Variants in BST1 observed in about 807,000 individuals in gnomAD.
BST1 encodes the protein bone marrow stromal cell antigen 1.
In BST1, 49 loss-of-function variants were observed where a neutral mutation model predicts 40.6. The observed-to-expected ratio is 1.21, with a 90% confidence interval of 0.96 to 1.53. The LOEUF (loss-of-function observed/expected upper bound fraction) is 1.53. Among genes scored for constraint, BST1 ranks in the 40% most tolerant of loss-of-function variants. The pLI is 0.00. For missense variants in BST1, 423 were observed against 395.9 expected, an observed-to-expected ratio of 1.07 and a Z score of -0.58; for synonymous variants, 157 against 159.3, an observed-to-expected ratio of 0.99 and a Z score of 0.11.
At chr4:15,711,552 G>C (rs1720205579) in intron 3 of BST1, among the ~76,000 whole-genome samples, 2 of 152,186 alleles carry the variant, frequency 1.3e-5, no homozygotes, top group Admixed American at 6.5e-5. Flanking sequence ...TCACTCACTA[G>C]CCAGCTATTT....
chr4:15,764,076 G>A, the BST1 span, among the ~76,000 whole-genome samples: 38 of 152,140 alleles, frequency 2.5e-4, no homozygotes, highest in East Asian at 5.2e-3. Context: ...AGAAGTCAAT[G>A]TTGGCTCATT....
At chr4:15,715,192 T>G in intron 4 of BST1, 93 bp from the exon 5 acceptor site, 1 of 1,133,158 alleles carries the variant, frequency 8.8e-7, no homozygotes, top group Non-Finnish European at 1.3e-6. Context: ...ATCCTTGCCA[T>G]TATTTAGAAC....
the BST1 span, among the ~76,000 whole-genome samples, chr4:15,748,919 C>T: frequency 5.9e-5 from 9 of 152,208 alleles, no homozygotes; most frequent in East Asian, 1.9e-4. Context: ...ATGCAAGAGT[C>T]GCAGTAATTG....
At chr4:15,737,442 C>T (rs1355546722), downstream of BST1, among the ~76,000 whole-genome samples, 5 of 152,184 alleles carry the variant, frequency 3.3e-5, no homozygotes, top group African/African-American at 9.6e-5. Flanking sequence ...CTCTTGGCCT[C>T]GGTTCCTCCA....
downstream of BST1, among the ~76,000 whole-genome samples, chr4:15,735,391 T>A (rs938005609): frequency 1.3e-5 from 2 of 152,172 alleles, no homozygotes; most frequent in Non-Finnish European, 2.9e-5. Flanking sequence ...CACGTGTGAA[T>A]GAACTAAGTT....
Position 15,738,139 on chromosome 4 carries a change from G to A in BST1, c.*365G>A, listed in dbSNP as rs191455289. The A allele has an allele frequency of 2.8e-5, 6 of 215,772 alleles. No individual in the cohort carries two copies. The East Asian group carries it at 5.8e-4, about 21-fold the overall frequency. 13.4% of individuals were successfully genotyped at this position (215,772 alleles called of 1,614,324 possible). A position where few individuals can be genotyped will look rare whatever the true frequency, so the allele number is the denominator to read the frequency against. ...TGGGTGACCATGATGTTTCAATGTC[G>A]GTTCATTAGTTGTGACAAATGCACC... is the stretch of plus-strand genomic sequence containing the variant. On this transcript the variant is annotated 3_prime_UTR_variant, in exon 7 of 7. Coordinates refer to the BST1 transcript ENST00000514445.
At chr4:15,745,650 C>T in the BST1 span, among the ~76,000 whole-genome samples, 1 of 152,290 alleles carries the variant, frequency 6.6e-6, no homozygotes, top group African/African-American at 2.4e-5. Context: ...CTAAATGTGG[C>T]TTGTGCTGCC....
chr4:15,719,645 A>C (rs1459692913), intron 7 of BST1, among the ~76,000 whole-genome samples: 6 of 152,156 alleles, frequency 3.9e-5, no homozygotes, highest in Non-Finnish European at 8.8e-5. Flanking sequence ...GGAATCCAAC[A>C]TTGCAAAAAC....
At chr4:15,734,020 C>T (rs1290801751), downstream of BST1, among the ~76,000 whole-genome samples, 1 of 152,174 alleles carries the variant, frequency 6.6e-6, no homozygotes, top group Non-Finnish European at 1.5e-5. Flanking sequence ...TACTACTCAG[C>T]AATAAAGGTA....
At chr4:15,743,081 CT>C (rs372323525), downstream of BST1, 659 of 155,050 alleles carry the variant, frequency 4.3e-3, 5 homozygotes, top group African/African-American at 0.015. Context: ...ATAAACAGAC[CT>C]TTTTGAAGTA....
chr4:15,714,415 A>G (rs1720395161), intron 4 of BST1, among the ~76,000 whole-genome samples: 1 of 152,216 alleles, frequency 6.6e-6, no homozygotes, highest in Non-Finnish European at 1.5e-5. Flanking sequence ...CCTGGACTTC[A>G]GCCCATGTAT....
intron 6 of BST1, among the ~76,000 whole-genome samples, chr4:15,717,170 G>A (rs1214328408): frequency 6.6e-6 from 1 of 152,308 alleles, no homozygotes; most frequent in Admixed American, 6.5e-5. Context: ...GAAATTCTAA[G>A]TAGTGAGCCT....
chr4:15,768,720 T>A, the BST1 span, among the ~76,000 whole-genome samples: 3 of 151,848 alleles, frequency 2.0e-5, no homozygotes, highest in Non-Finnish European at 4.4e-5. Context: ...ATGGTCTCGA[T>A]CTCCTGACCT....
chr4:15,762,025 C>A, the BST1 span, among the ~76,000 whole-genome samples: 1 of 151,410 alleles, frequency 6.6e-6, no homozygotes, highest in African/African-American at 2.4e-5. Flanking sequence ...CCCGTCTCTA[C>A]TAAAAATACA....
intron 7 of BST1, among the ~76,000 whole-genome samples, chr4:15,720,575 G>C (rs983662633): frequency 6.6e-6 from 1 of 150,862 alleles, no homozygotes; most frequent in African/African-American, 2.4e-5. Context: ...CAAGAGCCTG[G>C]GTGACAAGAG....
downstream of BST1, among the ~76,000 whole-genome samples, chr4:15,734,382 A>G (rs191378140): frequency 1.1e-3 from 164 of 152,348 alleles, no homozygotes; most frequent in African/African-American, 3.8e-3. Flanking sequence ...AGAACATTTA[A>G]TCACATAGGA....
downstream of BST1, chr4:15,736,062 G>T (rs773594896): frequency 1.5e-5 from 19 of 1,287,906 alleles, no homozygotes; most frequent in Non-Finnish European, 1.3e-5. Context: ...GACCCAAGAG[G>T]CTATGTGGGA....
intron 6 of BST1, among the ~76,000 whole-genome samples, chr4:15,716,486 A>G (rs1480295583): frequency 6.6e-6 from 1 of 152,160 alleles, no homozygotes; most frequent in Non-Finnish European, 1.5e-5. Context: ...ACATGGAGGA[A>G]GGTATTACTA....
At chr4:15,713,208 T>C (rs991795415) in intron 4 of BST1, among the ~76,000 whole-genome samples, 8 of 123,134 alleles carry the variant, frequency 6.5e-5, no homozygotes, top group African/African-American at 2.2e-4. Context: ...ATTTTCATCT[T>C]TTTTTTTTTT....
Sources: gnomAD v4.1 joint callset for allele counts (sites outside exome capture counted in the v4.1 genomes callset) on GRCh38, gnomAD v4.1.1 for gene constraint, MANE v1.5 for transcripts, NCBI Gene and HGNC (gene_info 2026-07-23, HGNC 2026-07-21) for gene names.